The following LRRC28 variants were observed in gnomAD, a reference collection of about 807,000 sequenced individuals.
LRRC28 encodes leucine rich repeat containing 28.
A neutral mutation model predicts 45.7 loss-of-function variants in LRRC28; 39 were observed. The observed-to-expected ratio is 0.85, with a 90% confidence interval of 0.66 to 1.12. LRRC28 has a LOEUF of 1.12. Among genes scored for constraint, LRRC28 ranks in the 50% most tolerant of loss-of-function variants. The probability of loss-of-function intolerance (pLI) is 0.00; values close to 1 mark genes in which losing one functional copy is unlikely to be tolerated. For synonymous variants in LRRC28, 206 were observed against 178.8 expected (o/e 1.15, Z -1.22); for missense variants, 435 against 438.5 (o/e 0.99, Z 0.07).
chr15:99,265,454 C>T lies in LRRC28; in HGVS notation c.168+9329C>T, dbSNP rs540779056. Among the ~76,000 whole-genome samples, 11 of 152,192 alleles carry T rather than the reference C, an allele frequency of 7.2e-5. No individual in the cohort carries two copies. The East Asian group carries it at 1.9e-3, about 27-fold the overall frequency. ...TGAGTAAGCCATCTGGGGTATGGGA[C>T]ATTTTGGTGGCAGAGAAAGACTGTG... On this transcript the variant is annotated intron_variant, in intron 2 of 9. Coordinates refer to ENST00000301981, the MANE Select transcript of LRRC28 (RefSeq NM_144598.5).
At chr15:99,317,029 G>T (rs1955621656) in intron 5 of LRRC28, among the ~76,000 whole-genome samples, 1 of 151,098 alleles carries the variant, frequency 6.6e-6, no homozygotes, top group Non-Finnish European at 1.5e-5. Flanking sequence ...AGGTGGGGAA[G>T]GTTTTTTTTA....
At chr15:99,253,373 G>A (rs1438281562) in intron 1 of LRRC28, among the ~76,000 whole-genome samples, 8 of 152,104 alleles carry the variant, frequency 5.3e-5, no homozygotes, top group Non-Finnish European at 7.3e-5. Context: ...CACCCTCCTC[G>A]GCCTCCCAAA....
At chr15:99,325,737 C>G (rs1955952643) in intron 5 of LRRC28, among the ~76,000 whole-genome samples, 2 of 152,134 alleles carry the variant, frequency 1.3e-5, no homozygotes, top group African/African-American at 4.8e-5. Context: ...TTGAACCAAC[C>G]TTACATTTCT....
At chr15:99,359,982 G>A (rs1049910476) in intron 7 of LRRC28, among the ~76,000 whole-genome samples, 2 of 151,926 alleles carry the variant, frequency 1.3e-5, no homozygotes, top group South Asian at 2.1e-4. Flanking sequence ...CTGTATTTGG[G>A]TTCTCTTTAC....
chr15:99,284,326 A>G (rs1036288130), intron 3 of LRRC28, among the ~76,000 whole-genome samples: 11 of 151,950 alleles, frequency 7.2e-5, no homozygotes, highest in African/African-American at 1.2e-4. Flanking sequence ...TCACACTACT[A>G]TATTTAGCAA....
At chr15:99,299,870 T>A (rs1315156848) in intron 5 of LRRC28, among the ~76,000 whole-genome samples, 2 of 152,198 alleles carry the variant, frequency 1.3e-5, no homozygotes, top group Admixed American at 6.5e-5. Flanking sequence ...AAACATTAAG[T>A]CAAAACTGGC....
At chr15:99,379,528 GTCTC>G (rs1379734067) in intron 9 of LRRC28, among the ~76,000 whole-genome samples, 1 of 151,956 alleles carries the variant, frequency 6.6e-6, no homozygotes, top group Non-Finnish European at 1.5e-5. Flanking sequence ...GGTTTTTTCT[GTCTC>G]TATCTCCTTC....
chr15:99,308,052 A>T (rs1955252923), intron 5 of LRRC28, among the ~76,000 whole-genome samples: 1 of 152,270 alleles, frequency 6.6e-6, no homozygotes, highest in Admixed American at 6.5e-5. Flanking sequence ...GCAAGAAATG[A>T]TGATGGCTTG....
intron 8 of LRRC28, 126 bp downstream of exon 8, chr15:99,361,637 T>C (rs1957206878): frequency 1.0e-5 from 9 of 876,548 alleles, no homozygotes; most frequent in Non-Finnish European, 5.2e-6. Flanking sequence ...AACACGAAAG[T>C]AACCATTTTA....
intron 3 of LRRC28, among the ~76,000 whole-genome samples, chr15:99,281,670 C>T (rs529759518): frequency 7.0e-4 from 106 of 152,156 alleles, no homozygotes; most frequent in Non-Finnish European, 1.3e-3. Flanking sequence ...ATAAAGTTTG[C>T]ATTTTTGAGA....
At chr15:99,303,311 A>T (rs1054126268) in intron 5 of LRRC28, among the ~76,000 whole-genome samples, 1 of 152,144 alleles carries the variant, frequency 6.6e-6, no homozygotes, top group Non-Finnish European at 1.5e-5. Context: ...TCTTTTGGCC[A>T]TTTTTAAATT....
At chr15:99,285,405 C>G (rs1289644100) in intron 3 of LRRC28, 1 of 751,092 alleles carries the variant, frequency 1.3e-6, no homozygotes, top group African/African-American at 1.7e-5. Flanking sequence ...TAGTGACAAA[C>G]CCAAAGCCCC....
intron 9 of LRRC28, among the ~76,000 whole-genome samples, chr15:99,364,748 C>A (rs1957296490): frequency 6.6e-6 from 1 of 152,138 alleles, no homozygotes; most frequent in African/African-American, 2.4e-5. Context: ...TTAATAGGGT[C>A]ATTGTGAGAA....
In LRRC28 at chr15:99,287,295, G is replaced by A. The variant is rs1229210358; in HGVS notation, c.247+1G>A. The A allele has an allele frequency of 1.0e-5, 16 of 1,553,972 alleles. No individual in the cohort carries two copies. The highest frequency in any genetic ancestry group is 2.0e-5 in the Admixed American group (1 of 51,244). ...AATAACATAGTTGTGGTTCCGGAAG[G>A]TATGTTTAACTTAAAAATTTTAGTT... is the stretch of plus-strand genomic sequence containing the variant. On this transcript the variant is annotated splice_donor_variant, in intron 4 of 9. Transcript: ENST00000301981. LOFTEE classifies it high-confidence loss of function.
chr15:99,292,650 C>T (rs2082155048), intron 5 of LRRC28, among the ~76,000 whole-genome samples: 6 of 152,234 alleles, frequency 3.9e-5, no homozygotes, highest in Admixed American at 3.9e-4. Flanking sequence ...AGGCGTGAGC[C>T]ACCGCGCCCA....
At chr15:99,347,335 G>A (rs1459944823) in intron 6 of LRRC28, among the ~76,000 whole-genome samples, 1 of 151,704 alleles carries the variant, frequency 6.6e-6, no homozygotes, top group Non-Finnish European at 1.5e-5. Flanking sequence ...TCAGCCTCCC[G>A]AGTAGCTGGG....
chr15:99,304,775 G>A (rs1219212153), intron 5 of LRRC28, among the ~76,000 whole-genome samples: 1 of 152,048 alleles, frequency 6.6e-6, no homozygotes, highest in African/African-American at 2.4e-5. Flanking sequence ...GTGTGTATAG[G>A]TAGCAATGTT....
In LRRC28 at chr15:99,386,808, A is replaced by G. The variant is rs1461486479; in HGVS notation, c.*706A>G. 6.6e-6 allele frequency: 1 copy of G among 152,172 alleles called. No individual in the cohort carries two copies. The highest frequency in any genetic ancestry group is 1.5e-5 in the Non-Finnish European group (1 of 68,026). 9.4% of individuals were successfully genotyped at this position (152,172 alleles called of 1,614,324 possible). A position where few individuals can be genotyped will look rare whatever the true frequency, so the allele number is the denominator to read the frequency against. ...GTTTTTTAAAAGTGTTTGCAGAAAA[A>G]TGATTTTTGAAGTTTTTAAATTTCC... On this transcript the variant is annotated 3_prime_UTR_variant, in exon 10 of 10. Coordinates refer to ENST00000301981, the MANE Select transcript of LRRC28 (RefSeq NM_144598.5).
chr15:99,328,163 G>T (rs556887681), intron 5 of LRRC28, among the ~76,000 whole-genome samples: 1 of 152,210 alleles, frequency 6.6e-6, no homozygotes, highest in Admixed American at 6.5e-5. Flanking sequence ...CACTTGAAAA[G>T]AATGTGTGTA....
Sources: allele counts gnomAD v4.1 joint callset (sites outside exome capture counted in the v4.1 genomes callset), GRCh38; gene constraint gnomAD v4.1.1; transcripts MANE v1.5; gene names NCBI Gene and HGNC (gene_info 2026-07-23, HGNC 2026-07-21).